VMP1: variants seen among roughly 807,000 people sequenced by gnomAD.
VMP1 encodes ectopic P-granules autophagy protein 3 homolog.
Under a neutral mutation model 56.0 loss-of-function variants are expected in VMP1, and 11 were observed. The observed-to-expected ratio is 0.20, with a 90% CI of 0.12 to 0.32. The LOEUF is 0.32. Ranked by LOEUF, VMP1 falls within the 10% of genes least tolerant of loss-of-function variation. The pLI, the probability that VMP1 is intolerant of heterozygous loss-of-function variation, is 1.00. For missense variants in VMP1, 296 were observed against 490.3 expected, an observed-to-expected ratio of 0.60 and a Z score of 3.74; for synonymous variants, 149 against 165.0, an observed-to-expected ratio of 0.90 and a Z score of 0.74.
At chr17:59,771,719 A>G (rs958291953) in intron 6 of VMP1, among the ~76,000 whole-genome samples, 1 of 145,420 alleles carries the variant, frequency 6.9e-6, no homozygotes, top group Non-Finnish European at 1.5e-5. Context: ...TGATCCTCCT[A>G]CCTCAGCCTC....
intron 7 of VMP1, among the ~76,000 whole-genome samples, chr17:59,808,202 C>T (rs1269503415): frequency 6.6e-6 from 1 of 152,294 alleles, no homozygotes; most frequent in East Asian, 1.9e-4. Context: ...CTTACCCTTT[C>T]TGGGCTGCAG....
intron 7 of VMP1, among the ~76,000 whole-genome samples, chr17:59,777,020 C>T (rs1369158276): frequency 6.6e-6 from 1 of 152,154 alleles, no homozygotes; most frequent in Non-Finnish European, 1.5e-5. Context: ...CCTGTAAAAA[C>T]ATCTCATGAT....
chr17:59,760,348 A>G (rs547718278), intron 5 of VMP1, among the ~76,000 whole-genome samples: 11 of 152,204 alleles, frequency 7.2e-5, no homozygotes, highest in Admixed American at 5.2e-4. Context: ...GTAAATCCAC[A>G]GTACTGTTTT....
chr17:59,751,173 C>T (rs916489060), intron 5 of VMP1, among the ~76,000 whole-genome samples: 4 of 151,954 alleles, frequency 2.6e-5, no homozygotes, highest in Admixed American at 1.3e-4. Context: ...ACCTCGTGAT[C>T]GGCCAGGTAG....
At chr17:59,786,791 A>C (rs1313515628) in intron 7 of VMP1, among the ~76,000 whole-genome samples, 1 of 152,240 alleles carries the variant, frequency 6.6e-6, no homozygotes, top group African/African-American at 2.4e-5. Context: ...GTGTTGCGTC[A>C]GGAGTTCCAC....
intron 1 of VMP1, among the ~76,000 whole-genome samples, chr17:59,709,355 G>A (rs1341040808): frequency 6.6e-6 from 1 of 152,040 alleles, no homozygotes; most frequent in Non-Finnish European, 1.5e-5. Context: ...TTAGGATTTT[G>A]GTAACTATTA....
intron 10 of VMP1, among the ~76,000 whole-genome samples, chr17:59,833,309 A>G (rs2038876922): frequency 6.6e-6 from 1 of 152,138 alleles, no homozygotes; most frequent in South Asian, 2.1e-4. Context: ...TAAGCAAACT[A>G]TAGTATAAGA....
intron 7 of VMP1, among the ~76,000 whole-genome samples, chr17:59,782,108 C>T (rs886528445): frequency 3.8e-4 from 58 of 152,256 alleles, no homozygotes; most frequent in African/African-American, 1.3e-3. Flanking sequence ...GGGGTTTCAC[C>T]ATGTTGGCCA....
chr17:59,735,037 G>A lies in VMP1; in HGVS notation c.77-301G>A, dbSNP rs550062790. On this transcript the variant is annotated intron_variant, in intron 2 of 11. Coordinates refer to ENST00000262291, the MANE Select transcript of VMP1 (RefSeq NM_030938.5). ...AGGGATTCTTGTGCTTCAGCCTCCC[G>A]AGTAGCTGGGATTACAGGCGTGTAC... Among the ~76,000 whole-genome samples, 137 of 148,938 alleles carry A rather than the reference G, an allele frequency of 9.2e-4. 1 individual carries two copies. The Middle Eastern group carries it at 0.011, about 12-fold the overall frequency.
chr17:59,732,960 G>A (rs945875770), intron 2 of VMP1, among the ~76,000 whole-genome samples: 5 of 152,154 alleles, frequency 3.3e-5, no homozygotes, highest in African/African-American at 1.2e-4. Context: ...TTGAGCCCAG[G>A]AGTTTGAGAC....
chr17:59,736,819 G>A (rs2035035510), intron 3 of VMP1, among the ~76,000 whole-genome samples: 1 of 149,902 alleles, frequency 6.7e-6, no homozygotes, highest in Admixed American at 6.7e-5. Flanking sequence ...GAGGCAGGCA[G>A]ATCACTAAGA....
At chr17:59,820,535 T>C (rs1198471525) in intron 10 of VMP1, among the ~76,000 whole-genome samples, 1 of 152,220 alleles carries the variant, frequency 6.6e-6, no homozygotes, top group Non-Finnish European at 1.5e-5. Context: ...ATTTTAGCCA[T>C]TGCATTCTCA....
At chr17:59,717,944 A>G (rs1451412023) in intron 1 of VMP1, among the ~76,000 whole-genome samples, 4 of 152,064 alleles carry the variant, frequency 2.6e-5, no homozygotes, top group African/African-American at 9.7e-5. Flanking sequence ...AAAAAAAATC[A>G]GACCCAGGGC....
At chr17:59,818,229 TG>T (rs1290665929) in intron 10 of VMP1, among the ~76,000 whole-genome samples, 1 of 152,052 alleles carries the variant, frequency 6.6e-6, no homozygotes, top group African/African-American at 2.4e-5. Context: ...TAGCCGGCCG[TG>T]GTGGCGGGCA....
chr17:59,823,087 GA>G (rs1205374553), intron 10 of VMP1, among the ~76,000 whole-genome samples: 1 of 151,814 alleles, frequency 6.6e-6, no homozygotes, highest in African/African-American at 2.4e-5. Flanking sequence ...CCTGATTCTT[GA>G]AAAAAAGAAA....
At chr17:59,794,993 A>ATTTT (rs577527166) in intron 7 of VMP1, among the ~76,000 whole-genome samples, 1 of 73,968 alleles carries the variant, frequency 1.4e-5, no homozygotes, top group African/African-American at 4.6e-5. Flanking sequence ...GGCAGATTTG[A>ATTTT]TCTTTTTTTT....
At chr17:59,756,916 T>C (rs190631503) in intron 5 of VMP1, among the ~76,000 whole-genome samples, 40 of 152,196 alleles carry the variant, frequency 2.6e-4, no homozygotes, top group Admixed American at 1.3e-3. Flanking sequence ...AGTATAACCT[T>C]TTCAGTCCTT....
chr17:59,820,624 T>C lies in VMP1; in HGVS notation c.974+2851T>C, dbSNP rs147893829. 9.2e-5 allele frequency among the ~76,000 whole-genome samples: 14 copies of C among 152,366 alleles called. No individual in the cohort carries two copies. In the East Asian group the frequency reaches 2.5e-3, roughly 27 times the overall value. On this transcript the variant is annotated intron_variant, in intron 10 of 11. Coordinates refer to ENST00000262291, the MANE Select transcript of VMP1 (RefSeq NM_030938.5). ...CAGCAACGTATACTACATGCACTTA[T>C]AGTTATATTGTTACACTTATGTTTG...
intron 5 of VMP1, among the ~76,000 whole-genome samples, chr17:59,745,241 TA>T (rs1250646341): frequency 6.6e-6 from 1 of 152,224 alleles, no homozygotes; most frequent in Non-Finnish European, 1.5e-5. Flanking sequence ...TCCTGACTGA[TA>T]GGCAGCTAAC....
Sources: allele counts gnomAD v4.1 joint callset (sites outside exome capture counted in the v4.1 genomes callset), GRCh38; gene constraint gnomAD v4.1.1; transcripts MANE v1.5; gene names NCBI Gene and HGNC (gene_info 2026-07-23, HGNC 2026-07-21).